SNX7: variants seen among roughly 807,000 people sequenced by gnomAD.
The protein encoded by SNX7 is sorting nexin-7.
Under a neutral mutation model 48.4 loss-of-function variants are expected in SNX7, and 35 were observed. That is an observed-to-expected ratio of 0.72 (90% CI 0.55 to 0.96). The LOEUF is 0.96. Ranked by LOEUF, SNX7 falls within the 40% of genes least tolerant of loss-of-function variation. The probability of loss-of-function intolerance (pLI) is 0.00; values close to 1 mark genes in which losing one functional copy is unlikely to be tolerated. For synonymous variants in SNX7, 190 were observed against 190.2 expected (o/e 1.00, Z 0.01); for missense variants, 553 against 548.9 (o/e 1.01, Z -0.07).
chr1:98,680,980 A>C (rs188930836), intron 1 of SNX7, among the ~76,000 whole-genome samples: 27 of 152,294 alleles, frequency 1.8e-4, no homozygotes, highest in Non-Finnish European at 3.5e-4. Context: ...TCTTAGTACC[A>C]ATTTACTGTG....
chr1:98,741,425 A>C (rs1654062913), intron 8 of SNX7, among the ~76,000 whole-genome samples: 1 of 152,162 alleles, frequency 6.6e-6, no homozygotes, highest in Admixed American at 6.6e-5. Flanking sequence ...TGTAATAATC[A>C]ATGTCATGTT....
intron 8 of SNX7, among the ~76,000 whole-genome samples, chr1:98,744,619 A>C (rs1438116702): frequency 6.6e-6 from 1 of 152,128 alleles, no homozygotes; most frequent in Non-Finnish European, 1.5e-5. Context: ...GAAACTAAGA[A>C]AACAGAACTA....
chr1:98,744,232 A>G (rs1654211583), intron 8 of SNX7, among the ~76,000 whole-genome samples: 1 of 152,048 alleles, frequency 6.6e-6, no homozygotes, highest in Admixed American at 6.6e-5. Flanking sequence ...ATTAGATAAA[A>G]GTTAGTTATA....
chr1:98,703,015 A>G (rs1372400248), intron 7 of SNX7, among the ~76,000 whole-genome samples: 1 of 151,966 alleles, frequency 6.6e-6, no homozygotes, highest in Non-Finnish European at 1.5e-5. Flanking sequence ...AACTTTAATC[A>G]CTTCCTAACA....
Position 98,701,800 on chromosome 1 carries a change from T to C in SNX7, c.1039-17T>C. ...AACTAAGTACAGCCTATTTTATCTG[T>C]GTGTTTTAATGTAAAGGGTGTTATG... On this transcript the variant is annotated splice_polypyrimidine_tract_variant and intron_variant, in intron 6 of 8. Coordinates refer to ENST00000306121, the MANE Select transcript of SNX7 (RefSeq NM_015976.5). The C allele has an allele frequency of 6.4e-6, 10 of 1,560,994 alleles. No individual in the cohort carries two copies. Among genetic ancestry groups the C allele is most frequent in the Non-Finnish European group, 8.8e-6 (10 of 1,141,748 alleles).
intron 7 of SNX7, among the ~76,000 whole-genome samples, chr1:98,712,801 AC>A (rs1198783169): frequency 6.6e-6 from 1 of 151,970 alleles, no homozygotes; most frequent in African/African-American, 2.4e-5. Context: ...CCAATATAAA[AC>A]TTTTGTCAGC....
In SNX7 at chr1:98,701,883, A is replaced by G. The variant is rs750724759; in HGVS notation, c.1105A>G (p.Lys369Glu). 1.9e-6 allele frequency: 3 copies of G among 1,610,728 alleles called. No homozygotes were observed. The South Asian group carries it at 3.3e-5, about 18-fold the overall frequency. ...LDSKVEVLTY[K>E]KADTDLLPEE... ...TTCCAAAGTTGAAGTTTTGACCTAT[A>G]AAAAGGCAGATACTGATCTGGTAAG... Residue 369 changes from lysine to glutamate, a missense_variant, in exon 7 of 9, where the codon AAA becomes GAA. Transcript: ENST00000306121.
chr1:98,709,744 G>A (rs185302331), intron 7 of SNX7, among the ~76,000 whole-genome samples: 48 of 152,196 alleles, frequency 3.2e-4, no homozygotes, highest in African/African-American at 1.1e-3. Flanking sequence ...TTTTACAGTA[G>A]TTACTAGACT....
rs2101068123 is a variant in SNX7, at chr1:98,760,054, T to C, written c.1279T>C (p.Cys427Arg). 6.3e-7 allele frequency: 1 copy of C among 1,589,484 alleles called. No individual in the cohort carries two copies. The highest frequency in any genetic ancestry group is 1.3e-5 in the African/African-American group (1 of 74,492). ...CTCATGGTGTGTTTCCATTATTCAGTGCCTTGCTACGTGGGAGTCATTCCT... is the reference window on the plus strand; with the variant it reads ...CTCATGGTGTGTTTCCATTATTCAGCGCCTTGCTACGTGGGAGTCATTCCT... ...AEENIHYYEQ[C>R]LATWESFLTS... Residue 427 changes from cysteine (C) to arginine (R), a missense_variant and splice_region_variant, in exon 9 of 9, where the codon TGC becomes CGC. Coordinates refer to ENST00000306121, the MANE Select transcript of SNX7 (RefSeq NM_015976.5).
At chr1:98,751,370 C>T (rs146650299) in intron 8 of SNX7, among the ~76,000 whole-genome samples, 2,004 of 152,090 alleles carry the variant, frequency 0.013, 21 homozygotes, top group Non-Finnish European at 0.021. Flanking sequence ...GGAATTAAAA[C>T]TTAATTTTCT....
chr1:98,721,194 A>AT (rs1383666527), intron 7 of SNX7, among the ~76,000 whole-genome samples: 5 of 152,100 alleles, frequency 3.3e-5, no homozygotes, highest in African/African-American at 1.2e-4. Context: ...TCTTTGGAGC[A>AT]TTTTGGATTT....
At chr1:98,728,648 T>C (rs1653321514) in intron 7 of SNX7, among the ~76,000 whole-genome samples, 1 of 152,096 alleles carries the variant, frequency 6.6e-6, no homozygotes, top group East Asian at 1.9e-4. Context: ...GGGGTTGCAA[T>C]CCTAGTTTCT....
At chr1:98,756,448 A>G (rs1343908106) in intron 8 of SNX7, among the ~76,000 whole-genome samples, 3 of 59,326 alleles carry the variant, frequency 5.1e-5, no homozygotes, top group Non-Finnish European at 1.0e-4. Flanking sequence ...TTTTTTTTTA[A>G]TATTGGTTGT....
intron 8 of SNX7, among the ~76,000 whole-genome samples, chr1:98,759,530 G>A (rs527917217): frequency 2.0e-5 from 3 of 152,044 alleles, no homozygotes; most frequent in African/African-American, 7.2e-5. Context: ...AACTTTTGGA[G>A]CATTCACTTT....
rs991512090 is a variant in SNX7 at position 98,760,215 on chromosome 1, A to G, written c.*84A>G. On this transcript the variant is annotated 3_prime_UTR_variant, in exon 9 of 9. Transcript: ENST00000306121. Reference sequence around the variant, plus strand: ...CTTTCTGGATCTGCCGTGTCCTTATAAAGTGGATGAAAAATGTTTTGTACC... The same window carrying G: ...CTTTCTGGATCTGCCGTGTCCTTATGAAGTGGATGAAAAATGTTTTGTACC... 26 of 1,069,226 alleles carry G rather than the reference A, an allele frequency of 2.4e-5. No homozygotes were observed. The Admixed American group carries it at 4.6e-4, about 19-fold the overall frequency. The allele number at this position is 1,069,226 out of a possible 1,614,324, so 66.2% of individuals were successfully genotyped here.
intron 7 of SNX7, among the ~76,000 whole-genome samples, chr1:98,717,003 T>G (rs894825101): frequency 6.8e-6 from 1 of 147,890 alleles, no homozygotes; most frequent in Non-Finnish European, 1.5e-5. Flanking sequence ...TCTTCTTTTA[T>G]CTTCTTTAAA....
chr1:98,754,007 C>T (rs1184012086), intron 8 of SNX7, among the ~76,000 whole-genome samples: 3 of 151,978 alleles, frequency 2.0e-5, no homozygotes, highest in Admixed American at 6.6e-5. Flanking sequence ...TGCATATCTG[C>T]ATATGATGTT....
intron 1 of SNX7, among the ~76,000 whole-genome samples, chr1:98,665,969 T>A (rs1313745823): frequency 2.0e-5 from 3 of 152,142 alleles, no homozygotes; most frequent in Non-Finnish European, 2.9e-5. Context: ...ATATATATAT[T>A]TTTTTCTTTG....
intron 8 of SNX7, 37 bp from the exon 9 acceptor site, chr1:98,760,017 A>G (rs1557844484): frequency 1.5e-6 from 2 of 1,325,826 alleles, no homozygotes; most frequent in Non-Finnish European, 2.2e-6. Flanking sequence ...AAAGTAAACT[A>G]TTGTTGATTG....
Sources: allele counts gnomAD v4.1 joint callset (sites outside exome capture counted in the v4.1 genomes callset), GRCh38; gene constraint gnomAD v4.1.1; transcripts MANE v1.5; gene names NCBI Gene and HGNC (gene_info 2026-07-23, HGNC 2026-07-21).